Variants in EDARADD observed in about 807,000 individuals in gnomAD.
EDARADD encodes the protein ectodysplasin-A receptor-associated adapter protein.
In EDARADD, 20 loss-of-function variants were observed where a neutral mutation model predicts 25.6. That is an observed-to-expected ratio of 0.78 (90% CI 0.55 to 1.14). The LOEUF (loss-of-function observed/expected upper bound fraction) is 1.14. EDARADD is among the 50% of genes most tolerant of loss of function. EDARADD has a pLI of 0.00. For missense variants in EDARADD, 225 were observed against 270.1 expected (o/e 0.83, Z 1.17); for synonymous variants, 86 against 94.4 (o/e 0.91, Z 0.52).
At chr1:236,467,372 A>G (rs1168601899) in intron 4 of EDARADD, among the ~76,000 whole-genome samples, 1 of 151,624 alleles carries the variant, frequency 6.6e-6, no homozygotes, top group Non-Finnish European at 1.5e-5. Flanking sequence ...AACATAAACG[A>G]AGGTGTACTG....
At chr1:236,418,017 G>A (rs1224573191) in intron 3 of EDARADD, among the ~76,000 whole-genome samples, 2 of 147,698 alleles carry the variant, frequency 1.4e-5, no homozygotes, top group Admixed American at 6.8e-5. Context: ...GCAGTGGTGC[G>A]ATCTCGGCTC....
intron 4 of EDARADD, among the ~76,000 whole-genome samples, chr1:236,442,217 C>T (rs150885372): frequency 7.9e-5 from 12 of 152,174 alleles, no homozygotes; most frequent in South Asian, 2.1e-4. Context: ...CCTCCACCTC[C>T]GGGGTTCAAG....
intron 1 of EDARADD, among the ~76,000 whole-genome samples, chr1:236,405,910 T>C (rs1277198412): frequency 1.7e-5 from 1 of 57,462 alleles, no homozygotes. Context: ...TCTTTCTTTC[T>C]TTCTTTCTTT....
chr1:236,415,743 C>A (rs1329390270), intron 3 of EDARADD, among the ~76,000 whole-genome samples: 1 of 152,216 alleles, frequency 6.6e-6, no homozygotes, highest in African/African-American at 2.4e-5. Context: ...CCCACTGCAC[C>A]TGGGCCCTGT....
intron 3 of EDARADD, among the ~76,000 whole-genome samples, chr1:236,375,676 T>TA (rs1326145985): frequency 4.4e-5 from 5 of 114,056 alleles, no homozygotes; most frequent in East Asian, 2.8e-4. Context: ...AAAAAAAAGA[T>TA]AAAAAAAAAT....
At chr1:236,357,377 T>G (rs1666992314) in intron 3 of EDARADD, among the ~76,000 whole-genome samples, 1 of 152,174 alleles carries the variant, frequency 6.6e-6, no homozygotes, top group Non-Finnish European at 1.5e-5. Flanking sequence ...AAAGGTTTAT[T>G]TGGCTCAGTT....
intron 5 of EDARADD, among the ~76,000 whole-genome samples, chr1:236,478,488 A>ATG (rs1345927403): frequency 6.6e-6 from 1 of 151,210 alleles, no homozygotes; most frequent in African/African-American, 2.4e-5. Context: ...ATGTGTATAT[A>ATG]TGTATATATA....
chr1:236,432,342 T>C (rs1658118562), intron 4 of EDARADD, among the ~76,000 whole-genome samples: 1 of 149,896 alleles, frequency 6.7e-6, no homozygotes, highest in African/African-American at 2.5e-5. Context: ...GGAATGGAAA[T>C]CGTGCCACTG....
intron 4 of EDARADD, among the ~76,000 whole-genome samples, chr1:236,461,364 A>T (rs914386287): frequency 6.6e-6 from 1 of 152,170 alleles, no homozygotes; most frequent in African/African-American, 2.4e-5. Context: ...ATTCTTTTGC[A>T]TATGGATATC....
chr1:236,477,527 A>T (rs1416311715), intron 5 of EDARADD, among the ~76,000 whole-genome samples: 1 of 152,074 alleles, frequency 6.6e-6, no homozygotes, highest in East Asian at 1.9e-4. Flanking sequence ...ATGCAAACAA[A>T]CTGATGTGGG....
chr1:236,439,906 TAA>T (rs1281439445), intron 4 of EDARADD, among the ~76,000 whole-genome samples: 4 of 152,210 alleles, frequency 2.6e-5, no homozygotes, highest in Admixed American at 2.6e-4. Context: ...GTACTATATC[TAA>T]AAAGTCATTG....
At chr1:236,428,733 T>G (rs1658003122) in intron 4 of EDARADD, among the ~76,000 whole-genome samples, 1 of 145,844 alleles carries the variant, frequency 6.9e-6, no homozygotes, top group African/African-American at 2.5e-5. Context: ...CCAGACGGGG[T>G]GGCGGCCGGG....
chr1:236,439,698 A>T (rs989561105), intron 4 of EDARADD, among the ~76,000 whole-genome samples: 3 of 152,112 alleles, frequency 2.0e-5, no homozygotes, highest in Admixed American at 2.0e-4. Flanking sequence ...AAATCAGGTT[A>T]TGTTCTTATT....
intron 1 of EDARADD, among the ~76,000 whole-genome samples, chr1:236,405,992 G>C (rs572219192): frequency 6.8e-6 from 1 of 147,264 alleles, no homozygotes; most frequent in Non-Finnish European, 1.5e-5. Context: ...TGTCCTGGAC[G>C]CAGCGGGCAT....
At chr1:236,463,963 G>A (rs527937467) in intron 4 of EDARADD, among the ~76,000 whole-genome samples, 41 of 152,296 alleles carry the variant, frequency 2.7e-4, no homozygotes, top group African/African-American at 9.9e-4. Context: ...AACACCCAGG[G>A]CACAGAACCC....
chr1:236,427,560 A>G (rs1657957808), intron 4 of EDARADD, 110 bp downstream of exon 4: 8 of 1,083,198 alleles, frequency 7.4e-6, no homozygotes, highest in South Asian at 1.5e-5. Flanking sequence ...GGATTTCTAG[A>G]TCATAAACAG....
intron 3 of EDARADD, among the ~76,000 whole-genome samples, chr1:236,358,120 C>T (rs1667003265): frequency 6.6e-6 from 1 of 152,210 alleles, no homozygotes; most frequent in Non-Finnish European, 1.5e-5. Flanking sequence ...TTCCACCCAA[C>T]TTCACCTCCC....
chr1:236,483,327 A>T lies in EDARADD; in HGVS notation c.*678A>T. The stretch of plus-strand genomic sequence containing the variant: ...CCTAGAGCTCCAGGACAATGATAAG[A>T]CTCGCTATATGGGGAAGGGTGTCTC... On this transcript the variant is annotated 3_prime_UTR_variant, in exon 6 of 6. Transcript: ENST00000334232. The T allele has an allele frequency of 6.3e-7, 1 of 1,594,912 alleles. No homozygotes were observed.
At chr1:236,368,280 C>A (rs765011875) in intron 3 of EDARADD, among the ~76,000 whole-genome samples, 1 of 152,132 alleles carries the variant, frequency 6.6e-6, no homozygotes, top group Non-Finnish European at 1.5e-5. Context: ...GGTCTTCAGT[C>A]GGGCTTTTCC....
Sources: gnomAD v4.1 joint callset for allele counts (sites outside exome capture counted in the v4.1 genomes callset) on GRCh38, gnomAD v4.1.1 for gene constraint, MANE v1.5 for transcripts, NCBI Gene and HGNC (gene_info 2026-07-23, HGNC 2026-07-21) for gene names.